SPAG11A: variants seen among roughly 807,000 people sequenced by gnomAD.
The protein encoded by SPAG11A is sperm-associated antigen 11A.
In SPAG11A, 2 loss-of-function variants were observed where a neutral mutation model predicts 5.5. That is an observed-to-expected ratio of 0.37 (90% CI 0.15 to 1.15). The LOEUF (loss-of-function observed/expected upper bound fraction) is 1.15, where lower values mean the gene tolerates loss of function less well. Among genes scored for constraint, SPAG11A ranks in the 50% most tolerant of loss-of-function variants. The pLI, the probability that SPAG11A is intolerant of heterozygous loss-of-function variation, is 0.38. For synonymous variants in SPAG11A, 11 were observed against 42.7 expected, an observed-to-expected ratio of 0.26 and a Z score of 2.90; for missense variants, 24 against 122.5, an observed-to-expected ratio of 0.20 and a Z score of 3.80.
chr8:7,857,461 T>TA (rs1818075486), intron 2 of SPAG11A, among the ~76,000 whole-genome samples: 8 of 76,002 alleles, frequency 1.1e-4, no homozygotes, highest in East Asian at 4.3e-4. Flanking sequence ...TTTTTTTTTT[T>TA]TTGAGAGATT....
At chr8:7,852,431 C>A (rs1817959620) in intron 2 of SPAG11A, among the ~76,000 whole-genome samples, 1 of 152,168 alleles carries the variant, frequency 6.6e-6, no homozygotes, top group Non-Finnish European at 1.5e-5. Flanking sequence ...CTCCCAGGTT[C>A]AAGCAATTCT....
At chr8:7,863,600 G>A (rs1313446471), downstream of SPAG11A, 1 of 1,602,548 alleles carries the variant, frequency 6.2e-7, no homozygotes, top group African/African-American at 1.3e-5. Flanking sequence ...GGTGGCCCAG[G>A]TGGATCGGCT....
At chr8:7,863,213 ATTTTTTTTTTTTTTTTT>A (rs869056010), downstream of SPAG11A, among the ~76,000 whole-genome samples, 1 of 7,538 alleles carries the variant, frequency 1.3e-4, no homozygotes, top group Middle Eastern at 0.17. Context: ...TGCAGATGGG[ATTTTTTTTTTTTTTTTT>A]TTTTTTTTTT....
In SPAG11A at chr8:7,852,577, T is replaced by C. The variant is rs560075060; in HGVS notation, c.214+3734T>C. Among the ~76,000 whole-genome samples, 17 of 137,380 alleles carry C rather than the reference T, an allele frequency of 1.2e-4. No individual in the cohort carries two copies. The South Asian group carries it at 4.2e-3, about 34-fold the overall frequency. The allele number at this position is 137,380 out of a possible 152,430, so 90.1% of individuals were successfully genotyped here. A position where few individuals can be genotyped will look rare whatever the true frequency, so the allele number is the denominator to read the frequency against. On this transcript the variant is annotated intron_variant, in intron 2 of 2. Transcript: ENST00000642566. ...CAAACTCCCGACCTCAGGTGATCTGTCCGCCTCGGCCTCCCGAAGTGCTGG... is the reference window on the plus strand; with the variant it reads ...CAAACTCCCGACCTCAGGTGATCTGCCCGCCTCGGCCTCCCGAAGTGCTGG...
At chr8:7,852,813 T>C (rs1433733599) in intron 2 of SPAG11A, among the ~76,000 whole-genome samples, 1 of 129,702 alleles carries the variant, frequency 7.7e-6, no homozygotes, top group African/African-American at 2.7e-5. Flanking sequence ...CCTTTTGTTC[T>C]CTACTTTGCA....
chr8:7,860,697 T>C, exon 3 of SPAG11A: 1 of 1,518,232 alleles, frequency 6.6e-7, no homozygotes, highest in South Asian at 1.3e-5. Context: ...CAGCAAGGGA[T>C]CTGCAGACTT....
chr8:7,860,215 G>T, intron 2 of SPAG11A: 1 of 703,984 alleles, frequency 1.4e-6, no homozygotes, highest in Non-Finnish European at 2.1e-6. Context: ...TCTCCTTTTC[G>T]TTGTAGGACA....
intron 2 of SPAG11A, among the ~76,000 whole-genome samples, chr8:7,857,443 CT>C (rs746499721): frequency 0.24 from 10,504 of 44,582 alleles, 183 homozygotes; most frequent in Non-Finnish European, 0.26. Context: ...TTCTTTCTTT[CT>C]TTTTTTTTTT....
chr8:7,860,956 A>G, downstream of SPAG11A: 1 of 866,456 alleles, frequency 1.2e-6, no homozygotes, highest in Non-Finnish European at 1.6e-6. Flanking sequence ...TGAAGAGCTG[A>G]TAAAAGACAT....
At chr8:7,852,458 T>C (rs1286671725) in intron 2 of SPAG11A, among the ~76,000 whole-genome samples, 1 of 152,252 alleles carries the variant, frequency 6.6e-6, no homozygotes, top group East Asian at 1.9e-4. Flanking sequence ...TCAGCCTTCC[T>C]AAGTAGCTGG....
chr8:7,862,116 C>A (rs1212034613), downstream of SPAG11A, among the ~76,000 whole-genome samples: 1 of 108,744 alleles, frequency 9.2e-6, no homozygotes, highest in African/African-American at 2.8e-5. Context: ...ACGCAGCAAA[C>A]GTGCATGCCT....
At position 7,857,465 on chromosome 8, in the gene SPAG11A, A is replaced by T. The variant is rs1210309549; in HGVS notation, c.215-3181A>T. 8.2e-4 allele frequency among the ~76,000 whole-genome samples: 27 copies of T among 32,924 alleles called. 1 individual carries two copies. Among genetic ancestry groups the T allele is most frequent in the African/African-American group, 1.5e-3 (15 of 9,906 alleles). The allele number at this position is 32,924 out of a possible 152,430, so 21.6% of individuals were successfully genotyped here. A position where few individuals can be genotyped will look rare whatever the true frequency, so the allele number is the denominator to read the frequency against. On this transcript the variant is annotated intron_variant, in intron 2 of 2. Transcript: ENST00000642566. Reference sequence around the variant, plus strand: ...TTTCTTTTTTTTTTTTTTTTTTTTGAGAGATTTCAGAGATGTCTTCAGAAC... The same window carrying T: ...TTTCTTTTTTTTTTTTTTTTTTTTGTGAGATTTCAGAGATGTCTTCAGAAC...
Position 7,860,631 on chromosome 8 carries a change from C to G in SPAG11A, c.215-15C>G. The G allele has an allele frequency of 7.0e-7, 1 of 1,422,958 alleles. No homozygotes were observed. The highest frequency in any genetic ancestry group is 9.5e-7 in the Non-Finnish European group (1 of 1,051,164). The allele number at this position is 1,422,958 out of a possible 1,614,324, so 88.1% of individuals were successfully genotyped here. A position where few individuals can be genotyped will look rare whatever the true frequency, so the allele number is the denominator to read the frequency against. ...ATATGAGTTAAATGTCAACTCTCTT[C>G]TGTTGTATCCATAGGGGATGTTCCA... is the stretch of plus-strand genomic sequence containing the variant. On this transcript the variant is annotated splice_polypyrimidine_tract_variant and intron_variant, in intron 2 of 2. Transcript: ENST00000642566.
Position 7,860,684 on chromosome 8 carries a change from A to G in SPAG11A, c.253A>G (p.Met85Val), listed in dbSNP as rs370838893. 1.4e-4 allele frequency: 216 copies of G among 1,521,166 alleles called. 12 individuals are homozygous for G. The highest frequency in any genetic ancestry group is 1.9e-4 in the Non-Finnish European group (210 of 1,131,906). 94.2% of individuals were successfully genotyped at this position (1,521,166 alleles called of 1,614,324 possible). A position where few individuals can be genotyped will look rare whatever the true frequency, so the allele number is the denominator to read the frequency against. ...GGGAATTAGAAATACCATCTGCCGT[A>G]TGCAGCAAGGGATCTGCAGACTTTT... Residue 85 changes from methionine (M) to valine (V), a missense_variant, in exon 3 of 3, where the codon ATG (methionine) becomes GTG (valine). By Grantham distance (21) the Met-to-Val change is conservative. Coordinates refer to ENST00000642566, the Ensembl canonical transcript of SPAG11A.
rs575725498 is a variant in SPAG11A at position 7,852,416 on chromosome 8, C to T, written c.214+3573C>T. On this transcript the variant is annotated intron_variant, in intron 2 of 2. Coordinates refer to ENST00000642566, the Ensembl canonical transcript of SPAG11A. ...ACCACCTCCACCTCCCGGGTTCAAG[C>T]GATTCTCCCAGGTTCAAGCAATTCT... 5.5e-3 allele frequency among the ~76,000 whole-genome samples: 833 copies of T among 151,924 alleles called. 1 individual carries two copies. Among genetic ancestry groups the T allele is most frequent in the South Asian group, 0.019 (90 of 4,778 alleles).
rs562759152 is a variant in SPAG11A at position 7,860,547 on chromosome 8, C to T, written c.215-99C>T. 2.1e-5 allele frequency: 29 copies of T among 1,361,984 alleles called. 7 individuals carry two copies. Among genetic ancestry groups the T allele is most frequent in the Non-Finnish European group, 2.8e-5 (29 of 1,017,936 alleles). 84.4% of individuals were successfully genotyped at this position (1,361,984 alleles called of 1,614,324 possible). A position where few individuals can be genotyped will look rare whatever the true frequency, so the allele number is the denominator to read the frequency against. On this transcript the variant is annotated intron_variant, in intron 2 of 2. Coordinates refer to ENST00000642566, the Ensembl canonical transcript of SPAG11A. ...CTGGGGCTTGTCCAAAAATACTTAG[C>T]CTTGTCAGAATATATAACCCTTGGC...
chr8:7,854,369 A>G (rs1178867732), intron 2 of SPAG11A, among the ~76,000 whole-genome samples: 2 of 74,872 alleles, frequency 2.7e-5, no homozygotes, highest in African/African-American at 6.7e-5. Context: ...CACAGAGTTA[A>G]CATAAGAAAG....
At chr8:7,852,522 G>A (rs1435965281) in intron 2 of SPAG11A, among the ~76,000 whole-genome samples, 3 of 152,142 alleles carry the variant, frequency 2.0e-5, no homozygotes, top group Admixed American at 6.6e-5. Context: ...TAGTAGAGAC[G>A]GGGTTTCTCC....
chr8:7,860,694 G>C, exon 3 of SPAG11A: 1 of 1,518,870 alleles, frequency 6.6e-7, no homozygotes, highest in Non-Finnish European at 8.8e-7. Context: ...ATGCAGCAAG[G>C]GATCTGCAGA....
Sources: gnomAD v4.1 joint callset for allele counts (sites outside exome capture counted in the v4.1 genomes callset) on GRCh38, gnomAD v4.1.1 for gene constraint, MANE v1.5 for transcripts, NCBI Gene and HGNC (gene_info 2026-07-23, HGNC 2026-07-21) for gene names.